Variants in CDK5RAP1 observed in about 807,000 individuals in gnomAD.
CDK5RAP1 encodes CDK5RAP1 mitochondrial tRNA methylthiotransferase.
Under a neutral mutation model 64.5 loss-of-function variants are expected in CDK5RAP1, and 62 were observed. That is an observed-to-expected ratio of 0.96 (90% CI 0.78 to 1.19). The LOEUF (loss-of-function observed/expected upper bound fraction) is 1.19. Among genes scored for constraint, CDK5RAP1 ranks in the 50% most tolerant of loss-of-function variants. CDK5RAP1 has a pLI of 0.00. For missense variants in CDK5RAP1, 657 were observed against 735.0 expected, an observed-to-expected ratio of 0.89 and a Z score of 1.23; for synonymous variants, 250 against 261.9, an observed-to-expected ratio of 0.95 and a Z score of 0.44.
rs1568733965 is a variant in CDK5RAP1 at position 33,396,858 on chromosome 20, T to TA, written c.206dup (p.Leu69PhefsTer26). 6.2e-7 allele frequency: 1 copy of TA among 1,614,138 alleles called. No homozygotes were observed. Among genetic ancestry groups the TA allele is most frequent in the East Asian group, 2.2e-5 (1 of 44,892 alleles). ...TCTCCTGAGGAGCTGAGGCACTTTTTAAAAAATGTTGAAAAGTCGGTCCAG... is the reference window on the plus strand; with the variant it reads ...TCTCCTGAGGAGCTGAGGCACTTTTTAAAAAAATGTTGAAAAGTCGGTCCAG... On this transcript the variant is annotated frameshift_variant, in exon 2 of 14. Transcript: ENST00000346416. LOFTEE classifies it high-confidence loss of function.
In CDK5RAP1 at chr20:33,370,509, C is replaced by G. The variant is rs1984809707; in HGVS notation, c.1382G>C (p.Ser461Thr). 1.2e-6 allele frequency: 2 copies of G among 1,614,002 alleles called. No homozygotes were observed. Among genetic ancestry groups the G allele is most frequent in the African/African-American group, 2.7e-5 (2 of 74,914 alleles). The change falls in exon 11 of 14, where the codon AGC becomes ACC. Residue 461 changes from serine to threonine, a missense_variant. Transcript: ENST00000346416. ...AACCCCAGGGCTCACCTGTCTCATG[C>G]TGTAGGCAAAGAGGAAGCCCATGTT... ...QYNMGFLFAYSMRQKTRAYHR... is the reference protein window; with the variant it reads ...QYNMGFLFAYTMRQKTRAYHR...
In CDK5RAP1 at chr20:33,370,607, G is replaced by C; in HGVS notation, c.1284C>G (p.Phe428Leu). 1 of 1,614,200 alleles carries C rather than the reference G, an allele frequency of 6.2e-7. No individual in the cohort carries two copies. Residue 428 changes from phenylalanine to leucine, a missense_variant, in exon 11 of 14, where the codon TTC becomes TTG. Coordinates refer to ENST00000346416, the MANE Select transcript of CDK5RAP1 (RefSeq NM_016408.4). Reference protein sequence around the residue: ...SIPGVSLSSDFIAGFCGETEE... With the variant: ...SIPGVSLSSDLIAGFCGETEE... ...CCGTCTCACCACAAAAGCCAGCAATGAAATCGCTGCTGAGGCTCACACCTG... is the reference window on the plus strand; with the variant it reads ...CCGTCTCACCACAAAAGCCAGCAATCAAATCGCTGCTGAGGCTCACACCTG...
At chr20:33,364,412 C>T (rs1017974208) in intron 12 of CDK5RAP1, among the ~76,000 whole-genome samples, 12 of 151,826 alleles carry the variant, frequency 7.9e-5, no homozygotes, top group Non-Finnish European at 1.5e-4. Flanking sequence ...TGGTCCTGAA[C>T]TCCTGACCTC....
intron 11 of CDK5RAP1, 48 bp downstream of exon 11, chr20:33,370,451 C>G (rs759669447): frequency 6.2e-7 from 1 of 1,607,556 alleles, no homozygotes; most frequent in Non-Finnish European, 8.5e-7. Context: ...GTCACCACCC[C>G]CAAACTGGTC....
At chr20:33,393,272 C>A (rs571438794) in intron 4 of CDK5RAP1, among the ~76,000 whole-genome samples, 5 of 152,252 alleles carry the variant, frequency 3.3e-5, no homozygotes, top group African/African-American at 1.2e-4. Flanking sequence ...AACTCCTGGA[C>A]TCAAGTGATC....
chr20:33,367,010 T>C lies in CDK5RAP1; in HGVS notation c.1393-2A>G. 6.3e-7 allele frequency: 1 copy of C among 1,583,850 alleles called. No homozygotes were observed. Among genetic ancestry groups the C allele is most frequent in the African/African-American group, 1.4e-5 (1 of 71,798 alleles). ...CAGCCTATGATATGCCCGTGTCTTCTATTAAAAAAAAAAAAAAGAGAGAAG... is the reference window on the plus strand; with the variant it reads ...CAGCCTATGATATGCCCGTGTCTTCCATTAAAAAAAAAAAAAAGAGAGAAG... On this transcript the variant is annotated splice_acceptor_variant, in intron 11 of 13. Transcript: ENST00000346416. LOFTEE classifies it high-confidence loss of function.
intron 5 of CDK5RAP1, among the ~76,000 whole-genome samples, chr20:33,390,133 T>A (rs1025190668): frequency 1.3e-5 from 2 of 151,834 alleles, no homozygotes; most frequent in African/African-American, 4.8e-5. Flanking sequence ...AAAAAATTAG[T>A]CCTCGTGGAA....
intron 5 of CDK5RAP1, among the ~76,000 whole-genome samples, chr20:33,387,888 G>C (rs1412096644): frequency 6.6e-6 from 1 of 152,042 alleles, no homozygotes; most frequent in Non-Finnish European, 1.5e-5. Context: ...CCAACATAGA[G>C]AAACCCTGTC....
intron 6 of CDK5RAP1, among the ~76,000 whole-genome samples, chr20:33,386,935 G>C (rs1226394036): frequency 6.6e-6 from 1 of 152,110 alleles, no homozygotes; most frequent in Non-Finnish European, 1.5e-5. Context: ...TACAAAAAGA[G>C]GTAGTAAGCT....
Position 33,377,526 on chromosome 20 carries a change from C to A in CDK5RAP1, c.1107+1935G>T, listed in dbSNP as rs73267984. On this transcript the variant is annotated intron_variant, in intron 8 of 13. Coordinates refer to ENST00000346416, the MANE Select transcript of CDK5RAP1 (RefSeq NM_016408.4). ...TGGGCTTCAGAGAACTGAAGAGGGG[C>A]CTTGCTCTGGATTAGGCTTTGGCTT... Among the ~76,000 whole-genome samples, 613 of 152,300 alleles carry A rather than the reference C, an allele frequency of 4.0e-3. 7 individuals carry two copies. The highest frequency in any genetic ancestry group is 0.014 in the African/African-American group (576 of 41,564).
intron 4 of CDK5RAP1, among the ~76,000 whole-genome samples, chr20:33,392,763 A>G (rs1988461121): frequency 6.6e-6 from 1 of 151,974 alleles, no homozygotes. Context: ...AAGGCCTTCC[A>G]GTTCTCCTCT....
intron 8 of CDK5RAP1, among the ~76,000 whole-genome samples, chr20:33,375,412 A>G (rs1304239624): frequency 2.7e-5 from 4 of 149,162 alleles, no homozygotes; most frequent in Non-Finnish European, 5.9e-5. Flanking sequence ...AAAAAAAAAA[A>G]AAAAAGAAAA....
chr20:33,394,443 C>T (rs1354642309), intron 3 of CDK5RAP1, among the ~76,000 whole-genome samples: 1 of 151,720 alleles, frequency 6.6e-6, no homozygotes, highest in Admixed American at 6.6e-5. Flanking sequence ...TGAGCCACTA[C>T]ACCCGGCCTA....
intron 5 of CDK5RAP1, among the ~76,000 whole-genome samples, chr20:33,388,993 GC>G (rs1287410241): frequency 6.6e-6 from 1 of 152,104 alleles, no homozygotes. Flanking sequence ...CCTCCCAGCC[GC>G]CTGCCTTGGC....
rs542222207 is a variant in CDK5RAP1 at position 33,401,330 on chromosome 20, C to G, written c.-21+98G>C. On this transcript the variant is annotated intron_variant, in intron 1 of 13. Transcript: ENST00000346416. ...CCATAACCACCGTGCCATCCTCCCTCTTGAACACCGTGCGCTTCCCGGGAT... is the reference window on the plus strand; with the variant it reads ...CCATAACCACCGTGCCATCCTCCCTGTTGAACACCGTGCGCTTCCCGGGAT... 4.4e-6 allele frequency: 4 copies of G among 912,804 alleles called. No individual in the cohort carries two copies. In the African/African-American group the frequency reaches 7.2e-5, roughly 16 times the overall value. The allele number at this position is 912,804 out of a possible 1,614,324, so 56.5% of individuals were successfully genotyped here.
intron 6 of CDK5RAP1, 116 bp downstream of exon 6, chr20:33,387,207 G>C: frequency 1.3e-6 from 1 of 757,924 alleles, no homozygotes; most frequent in Non-Finnish European, 2.1e-6. Flanking sequence ...AGTGAGCCCT[G>C]ATCATGACAC....
chr20:33,395,656 C>A (rs1988835803), intron 2 of CDK5RAP1, among the ~76,000 whole-genome samples: 2 of 152,112 alleles, frequency 1.3e-5, no homozygotes, highest in African/African-American at 2.4e-5. Flanking sequence ...GCCATGTTAT[C>A]TTTTAAATGG....
In CDK5RAP1 at chr20:33,370,511, G is replaced by T; in HGVS notation, c.1380C>A (p.Tyr460Ter). The part of the protein sequence containing the change: ...VQYNMGFLFA[Y>*]SMRQKTRAYH... ...CCCCAGGGCTCACCTGTCTCATGCT[G>T]TAGGCAAAGAGGAAGCCCATGTTGT... is the stretch of plus-strand genomic sequence containing the variant. The change falls in exon 11 of 14, where the codon TAC (tyrosine) becomes TAA (stop). Residue 460 changes from tyrosine to a stop codon, truncating the protein, a stop_gained. Transcript: ENST00000346416. LOFTEE classifies it high-confidence loss of function. 1.2e-6 allele frequency: 2 copies of T among 1,614,164 alleles called. No individual in the cohort carries two copies. Among genetic ancestry groups the T allele is most frequent in the Non-Finnish European group, 1.7e-6 (2 of 1,180,030 alleles).
At chr20:33,375,015 TA>T (rs1208180842) in intron 8 of CDK5RAP1, among the ~76,000 whole-genome samples, 1 of 149,854 alleles carries the variant, frequency 6.7e-6, no homozygotes, top group African/African-American at 2.5e-5. Context: ...TTTTAATTTT[TA>T]AAAGAAGAAA....
Sources: allele counts gnomAD v4.1 joint callset (sites outside exome capture counted in the v4.1 genomes callset), GRCh38; gene constraint gnomAD v4.1.1; transcripts MANE v1.5; gene names NCBI Gene and HGNC (gene_info 2026-07-23, HGNC 2026-07-21).